Variants in KRT24 observed in about 807,000 individuals in gnomAD.
The protein encoded by KRT24 is keratin 24.
Under a neutral mutation model 51.7 loss-of-function variants are expected in KRT24, and 44 were observed. The ratio of observed to expected loss-of-function variants is 0.85; its 90% CI spans 0.67 to 1.09. The LOEUF (loss-of-function observed/expected upper bound fraction) is 1.09. Among genes scored for constraint, KRT24 ranks in the 50% least tolerant of loss-of-function variants. The pLI is 0.00. For missense variants in KRT24, 633 were observed against 647.0 expected (o/e 0.98, Z 0.24); for synonymous variants, 241 against 249.5 (o/e 0.97, Z 0.32).
Position 40,703,369 on chromosome 17 carries a change from A to T in KRT24, c.325T>A (p.Ser109Thr), listed in dbSNP as rs780389873. ...FGRGSGFCGSSRFSSGATGGF... is the reference protein window; with the variant it reads ...FGRGSGFCGSTRFSSGATGGF... ...CCAGTAGCACCACTGCTGAATCTAG[A>T]ACTCCCACAGAATCCAGAACCCCTG... Residue 109 changes from serine (S) to threonine (T), a missense_variant, in exon 1 of 8, where the codon TCT (serine) becomes ACT (threonine). Physicochemically the swap from Ser to Thr is moderately conservative, Grantham distance 58. Coordinates refer to ENST00000264651, the MANE Select transcript of KRT24 (RefSeq NM_019016.3). The T allele has an allele frequency of 6.2e-7, 1 of 1,613,688 alleles. No individual in the cohort carries two copies. Among genetic ancestry groups the T allele is most frequent in the Non-Finnish European group, 8.5e-7 (1 of 1,179,838 alleles).
At position 40,703,292 on chromosome 17, in the gene KRT24, C is replaced by T. The variant is rs773931073; in HGVS notation, c.402G>A (p.Gly134=). ...TTTGCTTTTCCCCTCCAGAGAAAAG[C>T]CCCCCATCGCCAACACCACCTCCCA... ...GGMGGGVGDG[G]LFSGGEKQTM... The change falls in exon 1 of 8, where the codon GGG becomes GGA. Residue 134 remains glycine, a synonymous_variant. Coordinates refer to ENST00000264651, the MANE Select transcript of KRT24 (RefSeq NM_019016.3). 5.6e-6 allele frequency: 9 copies of T among 1,613,802 alleles called. No homozygotes were observed. In the African/African-American group the frequency reaches 9.4e-5, roughly 17 times the overall value.
rs2037711278 is a variant in KRT24 at position 40,703,598 on chromosome 17, T to A, written c.96A>T (p.Arg32Ser). The change falls in exon 1 of 8, where the codon AGA becomes AGT. Residue 32 changes from arginine (R) to serine (S), a missense_variant. Transcript: ENST00000264651. Reference protein sequence around the residue: ...AGGSSFSSGSRCGLGGSSAQG... With the variant: ...AGGSSFSSGSSCGLGGSSAQG... ...GGGCCGAGCTGCCCCCCAGACCACA[T>A]CTGCTTCCACTGCTGAAGCTGCTTC... 2 of 1,608,298 alleles carry A rather than the reference T, an allele frequency of 1.2e-6. No homozygotes were observed. The highest frequency in any genetic ancestry group is 1.7e-5 in the Admixed American group (1 of 59,328).
chr17:40,702,692 T>C (rs2037697215), intron 1 of KRT24, among the ~76,000 whole-genome samples: 1 of 152,184 alleles, frequency 6.6e-6, no homozygotes, highest in Non-Finnish European at 1.5e-5. Context: ...CACCAGATTT[T>C]CTGGGAAGAA....
Position 40,698,069 on chromosome 17 carries a change from C to A in KRT24, c.*168G>T. On this transcript the variant is annotated 3_prime_UTR_variant, in exon 8 of 8. Transcript: ENST00000264651. Reference sequence around the variant, plus strand: ...TTAATTCAGCTATTTCAAGAGCATTCTAATGAGGAAATAAGAAGATGCAGA... The same window carrying A: ...TTAATTCAGCTATTTCAAGAGCATTATAATGAGGAAATAAGAAGATGCAGA... The A allele has an allele frequency of 1.8e-6, 1 of 563,018 alleles. No homozygotes were observed. The highest frequency in any genetic ancestry group is 3.1e-6 in the Non-Finnish European group (1 of 318,654). The allele number at this position is 563,018 out of a possible 1,614,324, so 34.9% of individuals were successfully genotyped here.
chr17:40,700,292 T>A lies in KRT24; in HGVS notation c.947A>T (p.Asp316Val). 1.2e-6 allele frequency: 2 copies of A among 1,614,128 alleles called. No homozygotes were observed. Reference sequence around the variant, plus strand: ...CAGCTCCTCGTACTGCGCCCTCATGTCATTCAGTAATTTGGTCAGGTCGGT... The same window carrying A: ...CAGCTCCTCGTACTGCGCCCTCATGACATTCAGTAATTTGGTCAGGTCGGT... ...PGTDLTKLLN[D>V]MRAQYEELAE... The change falls in exon 4 of 8, where the codon GAC (aspartate) becomes GTC (valine). Residue 316 changes from aspartate to valine, a missense_variant. Physicochemically the swap from Asp to Val is radical, Grantham distance 152. Coordinates refer to ENST00000264651, the MANE Select transcript of KRT24 (RefSeq NM_019016.3).
intron 1 of KRT24, among the ~76,000 whole-genome samples, chr17:40,702,399 A>G (rs1042273971): frequency 6.6e-6 from 1 of 152,176 alleles, no homozygotes; most frequent in African/African-American, 2.4e-5. Context: ...ATGACTAAGT[A>G]TACAGCCCCA....
Position 40,700,203 on chromosome 17 carries a change from C to T in KRT24, c.1017+19G>A. On this transcript the variant is annotated intron_variant, in intron 4 of 7. Coordinates refer to ENST00000264651, the MANE Select transcript of KRT24 (RefSeq NM_019016.3). ...TTGTGTGTGGCTACTGGCTTAGGTG[C>T]TCAGCAGAGAGGATCTACCTGCTTG... 6.2e-7 allele frequency: 1 copy of T among 1,613,964 alleles called. No homozygotes were observed. The highest frequency in any genetic ancestry group is 8.5e-7 in the Non-Finnish European group (1 of 1,179,926).
At chr17:40,699,166 T>A (rs1255432196) in intron 6 of KRT24, among the ~76,000 whole-genome samples, 1 of 152,182 alleles carries the variant, frequency 6.6e-6, no homozygotes. Flanking sequence ...CATGAGCCAC[T>A]GTGCCCAGCC....
At position 40,700,395 on chromosome 17, in the gene KRT24, GAA is replaced by G. The variant is rs761772319; in HGVS notation, c.856-14_856-13del. 7 of 1,590,700 alleles carry G rather than the reference GAA, an allele frequency of 4.4e-6. No homozygotes were observed. In the African/African-American group the frequency reaches 8.2e-5, roughly 19 times the overall value. On this transcript the variant is annotated splice_polypyrimidine_tract_variant and intron_variant, in intron 3 of 7. Transcript: ENST00000264651. ...ATATTCTTCATTTCCTAGCATGAAG[GAA>G]AAAAGACTATCGTGATGCAAACAGA... is the stretch of plus-strand genomic sequence containing the variant.
chr17:40,703,529 C>A lies in KRT24; in HGVS notation c.165G>T (p.Gly55=). The A allele has an allele frequency of 4.5e-6, 7 of 1,568,440 alleles. No individual in the cohort carries two copies. The highest frequency in any genetic ancestry group is 6.1e-6 in the Non-Finnish European group (7 of 1,156,018). The change falls in exon 1 of 8, where the codon GGG becomes GGT. Residue 55 remains glycine, a synonymous_variant. Coordinates refer to ENST00000264651, the MANE Select transcript of KRT24 (RefSeq NM_019016.3). The part of the protein sequence containing the change: ...GGASSCSLSG[G]SSGAFGGSFG... The stretch of plus-strand genomic sequence containing the variant: ...AGCTGCCCCCAAAAGCACCGCTAGA[C>A]CCCCCACTCAGGCTGCAGCTGCTGG...
chr17:40,700,284 C>T lies in KRT24; in HGVS notation c.955G>A (p.Ala319Thr). Reference protein sequence around the residue: ...DLTKLLNDMRAQYEELAEQNR... With the variant: ...DLTKLLNDMRTQYEELAEQNR... ...TGCTCAGCCAGCTCCTCGTACTGCG[C>T]CCTCATGTCATTCAGTAATTTGGTC... The change falls in exon 4 of 8, where the codon GCG (alanine) becomes ACG (threonine). Residue 319 changes from alanine (A) to threonine (T), a missense_variant. Coordinates refer to ENST00000264651, the MANE Select transcript of KRT24 (RefSeq NM_019016.3). The T allele has an allele frequency of 6.2e-7, 1 of 1,614,120 alleles. No individual in the cohort carries two copies. The highest frequency in any genetic ancestry group is 1.1e-5 in the South Asian group (1 of 91,080).
intron 2 of KRT24, among the ~76,000 whole-genome samples, chr17:40,701,570 T>C (rs1465684818): frequency 6.6e-6 from 1 of 150,808 alleles, no homozygotes; most frequent in Non-Finnish European, 1.5e-5. Flanking sequence ...GCAGCTGTTG[T>C]AGGCTGATGA....
chr17:40,698,402 AATTCAATCACATGC>A, intron 7 of KRT24, 62 bp from the exon 8 acceptor site: 1 of 1,244,628 alleles, frequency 8.0e-7, no homozygotes. Context: ...GAGCAAGAGA[AATTCAATCACATGC>A]ATTCAACGTG....
At chr17:40,699,694 G>T in intron 5 of KRT24, 33 bp from the exon 6 acceptor site, 3 of 1,570,234 alleles carry the variant, frequency 1.9e-6, no homozygotes, top group South Asian at 1.1e-5. Context: ...AATTCATGAT[G>T]AAAATAAATC....
rs1276037050 is a variant in KRT24, at chr17:40,698,613, C to T, written c.1399G>A (p.Gly467Arg). Residue 467 changes from glycine (G) to arginine (R), a missense_variant, in exon 7 of 8, where the codon GGA (glycine) becomes AGA (arginine). By Grantham distance (125) the Gly-to-Arg change is moderately radical (BLOSUM62 -2). Transcript: ENST00000264651. ...SFAEFGGRNS[G>R]SVNMGSRDLV... Reference sequence around the variant, plus strand: ...TCCCTGGATCCCATGTTTACAGATCCTGAGTTTCTACCACCAAATTCTGCA... The same window carrying T: ...TCCCTGGATCCCATGTTTACAGATCTTGAGTTTCTACCACCAAATTCTGCA... 4.3e-6 allele frequency: 7 copies of T among 1,611,310 alleles called. No individual in the cohort carries two copies. The South Asian group carries it at 4.4e-5, about 10-fold the overall frequency.
chr17:40,699,181 G>T (rs1287582244), intron 6 of KRT24, among the ~76,000 whole-genome samples: 1 of 151,922 alleles, frequency 6.6e-6, no homozygotes, highest in Admixed American at 6.6e-5. Context: ...CCAGCCTCCA[G>T]CTAATTTTTT....
chr17:40,702,908 T>C (rs560664255), intron 1 of KRT24, among the ~76,000 whole-genome samples, 171 bp downstream of exon 1: 2 of 152,298 alleles, frequency 1.3e-5, no homozygotes, highest in South Asian at 4.1e-4. Context: ...ATTAATGTGA[T>C]TGGACATCAC....
At position 40,701,840 on chromosome 17, in the gene KRT24, A is replaced by T; in HGVS notation, c.698+11T>A. The T allele has an allele frequency of 7.7e-7, 1 of 1,293,610 alleles. No homozygotes were observed. The highest frequency in any genetic ancestry group is 1.0e-6 in the Non-Finnish European group (1 of 975,472). 80.1% of individuals were successfully genotyped at this position (1,293,610 alleles called of 1,614,324 possible). On this transcript the variant is annotated intron_variant, in intron 2 of 7. Coordinates refer to ENST00000264651, the MANE Select transcript of KRT24 (RefSeq NM_019016.3). The stretch of plus-strand genomic sequence containing the variant: ...CCGTAACACTTGTTTTCAAGTCTTT[A>T]TGTTTCTTACTTCAGTCTGAAGTCA...
At chr17:40,700,459 C>T (rs1347242293) in intron 3 of KRT24, 76 bp from the exon 4 acceptor site, 2 of 1,077,906 alleles carry the variant, frequency 1.9e-6, no homozygotes, top group East Asian at 4.9e-5. Flanking sequence ...TAGACAACAA[C>T]AATTTGAAAG....
Sources: allele counts gnomAD v4.1 joint callset (sites outside exome capture counted in the v4.1 genomes callset), GRCh38; gene constraint gnomAD v4.1.1; transcripts MANE v1.5; gene names NCBI Gene and HGNC (gene_info 2026-07-23, HGNC 2026-07-21).